FNDC1: variants seen among roughly 807,000 people sequenced by gnomAD.
FNDC1 encodes the protein fibronectin type III domain containing 1.
FNDC1 carries 96 observed loss-of-function variants against 168.0 expected under a neutral mutation model. The ratio of observed to expected loss-of-function variants is 0.57; its 90% CI spans 0.48 to 0.68. FNDC1 has a LOEUF of 0.68. Ranked by LOEUF, FNDC1 falls within the 30% of genes least tolerant of loss-of-function variation. The probability of loss-of-function intolerance (pLI) is 0.00; values close to 1 mark genes in which losing one functional copy is unlikely to be tolerated. For missense variants in FNDC1, 2,587 were observed against 2,482.1 expected (o/e 1.04, Z -0.90); for synonymous variants, 1,099 against 1,025.9 (o/e 1.07, Z -1.36).
chr6:159,220,973 C>T (rs432659), intron 5 of FNDC1, among the ~76,000 whole-genome samples: 69,753 of 152,010 alleles, frequency 0.46, 17,457 homozygotes, highest in East Asian at 0.66. Flanking sequence ...CTAGTGGGAC[C>T]CTCGGAGGGT....
intron 4 of FNDC1, among the ~76,000 whole-genome samples, chr6:159,201,503 C>CT (rs1468186603): frequency 6.6e-6 from 1 of 152,064 alleles, no homozygotes; most frequent in Non-Finnish European, 1.5e-5. Context: ...TGTCTTGTAG[C>CT]TGATTTGAGA....
intron 20 of FNDC1, 112 bp downstream of exon 20, chr6:159,265,116 C>G: frequency 1.1e-6 from 1 of 869,922 alleles, no homozygotes. Flanking sequence ...TCACAATTTT[C>G]TGTCAACTTC....
intron 1 of FNDC1, among the ~76,000 whole-genome samples, chr6:159,177,978 C>T (rs1160756163): frequency 6.6e-6 from 1 of 152,128 alleles, no homozygotes; most frequent in Non-Finnish European, 1.5e-5. Context: ...GTCATAGATT[C>T]CTGTTCAATT....
chr6:159,261,983 C>T (rs1305150499), intron 19 of FNDC1, among the ~76,000 whole-genome samples: 1 of 152,126 alleles, frequency 6.6e-6, no homozygotes, highest in Non-Finnish European at 1.5e-5. Context: ...TGGTGCATGT[C>T]TGTAGTCCCA....
rs887437584 is a variant in FNDC1, at chr6:159,259,087, A to C, written c.5175-2103A>C. 2.0e-5 allele frequency among the ~76,000 whole-genome samples: 3 copies of C among 152,334 alleles called. No homozygotes were observed. In the East Asian group the frequency reaches 5.8e-4, roughly 29 times the overall value. ...ACTTAAAACACACAGACTTGTCATG[A>C]TTGAGGCTGTTCAAAAGAAGGTGCC... On this transcript the variant is annotated intron_variant, in intron 18 of 22. Coordinates refer to ENST00000297267, the MANE Select transcript of FNDC1 (RefSeq NM_032532.3).
rs747670597 is a variant in FNDC1, at chr6:159,233,790, C to A, written c.3278C>A (p.Ala1093Asp). ...GAAGTCGAGGCCCAGGATGTGCGGGCCCCCGCGCACGCCGCGCGCGCCAAG... is the reference window on the plus strand; with the variant it reads ...GAAGTCGAGGCCCAGGATGTGCGGGACCCCGCGCACGCCGCGCGCGCCAAG... Reference protein sequence around the residue: ...STEVEAQDVRAPAHAARAKEA... With the variant: ...STEVEAQDVRDPAHAARAKEA... Residue 1093 changes from alanine (A) to aspartate (D), a missense_variant, in exon 11 of 23, where the codon GCC becomes GAC. Ala to Asp is a moderately radical substitution (Grantham distance 126, BLOSUM62 -2). Coordinates refer to ENST00000297267, the MANE Select transcript of FNDC1 (RefSeq NM_032532.3). The surrounding 1 kb of genome is among the most constrained non-coding windows in gnomAD (Gnocchi z 4.6). The A allele has an allele frequency of 1.4e-5, 22 of 1,538,254 alleles. No individual in the cohort carries two copies. The South Asian group carries it at 2.4e-4, about 17-fold the overall frequency.
In FNDC1 at chr6:159,271,927, A is replaced by C. The variant is rs1027160247; in HGVS notation, c.*485A>C. 6.5e-6 allele frequency: 1 copy of C among 154,178 alleles called. No individual in the cohort carries two copies. The highest frequency in any genetic ancestry group is 2.4e-5 in the African/African-American group (1 of 41,460). 9.6% of individuals were successfully genotyped at this position (154,178 alleles called of 1,614,324 possible). A position where few individuals can be genotyped will look rare whatever the true frequency, so the allele number is the denominator to read the frequency against. ...AAGGAATTATTAAAAACACCACCAA[A>C]GAAAATAAATATATCCTACTTGAAA... On this transcript the variant is annotated 3_prime_UTR_variant, in exon 23 of 23. Coordinates refer to ENST00000297267, the MANE Select transcript of FNDC1 (RefSeq NM_032532.3).
rs776166114 is a variant in FNDC1, at chr6:159,232,515, C to T, written c.2003C>T (p.Pro668Leu). Reference sequence around the variant, plus strand: ...AAGGGCGCCTTCGCCCAGCCCCGGCCAGCCCTGTCCCCCAGCCGCCAGTCC... The same window carrying T: ...AAGGGCGCCTTCGCCCAGCCCCGGCTAGCCCTGTCCCCCAGCCGCCAGTCC... ...HPKGAFAQPRPALSPSRQSPS... is the reference protein window; with the variant it reads ...HPKGAFAQPRLALSPSRQSPS... Residue 668 changes from proline (P) to leucine (L), a missense_variant, in exon 11 of 23, where the codon CCA becomes CTA. By Grantham distance (98) the Pro-to-Leu change is moderately conservative (BLOSUM62 -3). Coordinates refer to ENST00000297267, the MANE Select transcript of FNDC1 (RefSeq NM_032532.3). This position sits in a 1 kb window ranked among gnomAD's most constrained non-coding sequence, Gnocchi z 4.9. 12 of 1,612,168 alleles carry T rather than the reference C, an allele frequency of 7.4e-6. No individual in the cohort carries two copies. The highest frequency in any genetic ancestry group is 1.0e-5 in the Non-Finnish European group (12 of 1,179,278).
In FNDC1 at chr6:159,232,032, T is replaced by C; in HGVS notation, c.1520T>C (p.Leu507Pro). The part of the protein sequence containing the change: ...PQGRNAKDLL[L>P]DLKNKILANG... Reference sequence around the variant, plus strand: ...GGGAGAAATGCCAAGGACCTTCTTCTTGACTTGAAGAACAAAATATTGGCT... The same window carrying C: ...GGGAGAAATGCCAAGGACCTTCTTCCTGACTTGAAGAACAAAATATTGGCT... The change falls in exon 11 of 23, where the codon CTT (leucine) becomes CCT (proline). Residue 507 changes from leucine (L) to proline (P), a missense_variant. Leu to Pro is a moderately conservative substitution (Grantham distance 98, BLOSUM62 -3). Transcript: ENST00000297267. This position sits in a 1 kb window ranked among gnomAD's most constrained non-coding sequence, Gnocchi z 4.9. 1 of 1,613,938 alleles carries C rather than the reference T, an allele frequency of 6.2e-7. No homozygotes were observed. Among genetic ancestry groups the C allele is most frequent in the South Asian group, 1.1e-5 (1 of 91,080 alleles).
At chr6:159,180,762 T>C (rs1254848032) in intron 1 of FNDC1, among the ~76,000 whole-genome samples, 1 of 152,198 alleles carries the variant, frequency 6.6e-6, no homozygotes, top group East Asian at 1.9e-4. Context: ...ATTAGTTTGC[T>C]GAGGATAATG....
At position 159,232,379 on chromosome 6, in the gene FNDC1, C is replaced by G. The variant is rs758818730; in HGVS notation, c.1867C>G (p.His623Asp). The G allele has an allele frequency of 6.2e-7, 1 of 1,613,540 alleles. No individual in the cohort carries two copies. Among genetic ancestry groups the G allele is most frequent in the South Asian group, 1.1e-5 (1 of 91,028 alleles). Residue 623 changes from histidine to aspartate, a missense_variant, in exon 11 of 23, where the codon CAC becomes GAC. Physicochemically the swap from His to Asp is moderately conservative, Grantham distance 81. Coordinates refer to ENST00000297267, the MANE Select transcript of FNDC1 (RefSeq NM_032532.3). This position sits in a 1 kb window ranked among gnomAD's most constrained non-coding sequence, Gnocchi z 4.9. ...CTCGGCTTCGGCCTCTCCTGCCCACCACGCGTCCACCCAGGGCACCTCTCA... is the reference window on the plus strand; with the variant it reads ...CTCGGCTTCGGCCTCTCCTGCCCACGACGCGTCCACCCAGGGCACCTCTCA... ...PPSASASPAHHASTQGTSHRP... is the reference protein window; with the variant it reads ...PPSASASPAHDASTQGTSHRP...
chr6:159,182,564 C>T (rs952498746), intron 1 of FNDC1, among the ~76,000 whole-genome samples: 23 of 152,202 alleles, frequency 1.5e-4, no homozygotes, highest in Non-Finnish European at 2.6e-4. Flanking sequence ...TTGTTAGTGG[C>T]ACTCAGCTGA....
chr6:159,266,888 CAAA>C (rs1183456673), intron 21 of FNDC1, among the ~76,000 whole-genome samples: 1 of 151,992 alleles, frequency 6.6e-6, no homozygotes, highest in African/African-American at 2.4e-5. Context: ...GAGATTAAAA[CAAA>C]GAATAATTCG....
At chr6:159,183,112 G>T (rs1000992645) in intron 1 of FNDC1, among the ~76,000 whole-genome samples, 2 of 152,152 alleles carry the variant, frequency 1.3e-5, no homozygotes, top group Admixed American at 1.3e-4. Flanking sequence ...AGTGTTTTAT[G>T]ATTTTCTTTC....
intron 10 of FNDC1, among the ~76,000 whole-genome samples, chr6:159,230,971 C>A (rs1309166347): frequency 6.6e-6 from 1 of 151,714 alleles, no homozygotes; most frequent in Non-Finnish European, 1.5e-5. Context: ...TTATTTTAAG[C>A]CTTATTTTAG....
intron 1 of FNDC1, among the ~76,000 whole-genome samples, chr6:159,185,460 C>G (rs1296814372): frequency 1.3e-5 from 2 of 152,164 alleles, no homozygotes; most frequent in Non-Finnish European, 1.5e-5. Flanking sequence ...TTAACAGTGG[C>G]TAAACAAGTA....
chr6:159,181,859 C>A (rs915331077), intron 1 of FNDC1, among the ~76,000 whole-genome samples: 1 of 152,298 alleles, frequency 6.6e-6, no homozygotes, highest in East Asian at 1.9e-4. Flanking sequence ...AGTCCATGGG[C>A]CGTGGATCTG....
chr6:159,204,135 C>T (rs1397490208), intron 4 of FNDC1, among the ~76,000 whole-genome samples: 2 of 152,170 alleles, frequency 1.3e-5, no homozygotes, highest in African/African-American at 2.4e-5. Flanking sequence ...TCAAGTTCAG[C>T]ATAGAGTCCA....
intron 17 of FNDC1, 90 bp from the exon 18 acceptor site, chr6:159,256,433 C>G: frequency 1.1e-6 from 1 of 910,244 alleles, no homozygotes; most frequent in Non-Finnish European, 1.8e-6. Flanking sequence ...GCATCTGCAG[C>G]TTTGCCTCAC....
Sources: gnomAD v4.1 joint callset for allele counts (sites outside exome capture counted in the v4.1 genomes callset) on GRCh38, gnomAD v4.1.1 for gene constraint, Gnocchi (gnomAD v3.1) non-coding constraint, MANE v1.5 for transcripts, NCBI Gene and HGNC (gene_info 2026-07-23, HGNC 2026-07-21) for gene names.